The following NDST4 variants were observed in gnomAD, a reference collection of about 807,000 sequenced individuals.
NDST4 encodes the protein N-heparan sulfate sulfotransferase 4.
NDST4 carries 63 observed loss-of-function variants against 100.8 expected under a neutral mutation model. That is an observed-to-expected ratio of 0.62 (90% CI 0.51 to 0.77). The LOEUF (loss-of-function observed/expected upper bound fraction) is 0.77, where lower values mean the gene tolerates loss of function less well. Ranked by LOEUF, NDST4 falls within the 30% of genes least tolerant of loss-of-function variation. The probability of loss-of-function intolerance (pLI) is 0.00; values close to 1 mark genes in which losing one functional copy is unlikely to be tolerated. For missense variants in NDST4, 943 were observed against 1,018.4 expected (o/e 0.93, Z 1.01); for synonymous variants, 377 against 361.8 (o/e 1.04, Z -0.48).
intron 6 of NDST4, among the ~76,000 whole-genome samples, chr4:114,878,099 CAT>C (rs1435684858): frequency 2.6e-5 from 4 of 151,994 alleles, no homozygotes; most frequent in Non-Finnish European, 5.9e-5. Flanking sequence ...CACATCTCAC[CAT>C]GTGTAGGTCA....
At chr4:114,993,296 G>A (rs1727080491) in intron 2 of NDST4, among the ~76,000 whole-genome samples, 1 of 151,848 alleles carries the variant, frequency 6.6e-6, no homozygotes. Context: ...CATCTATTTG[G>A]ACAATATCTG....
At chr4:115,008,560 A>G (rs1190060499) in intron 2 of NDST4, among the ~76,000 whole-genome samples, 3 of 129,334 alleles carry the variant, frequency 2.3e-5, no homozygotes, top group African/African-American at 8.8e-5. Context: ...GCTATCTATG[A>G]CAAACCCACA....
chr4:115,049,436 G>T (rs1728535569), intron 2 of NDST4, among the ~76,000 whole-genome samples: 1 of 151,946 alleles, frequency 6.6e-6, no homozygotes, highest in Non-Finnish European at 1.5e-5. Context: ...TATCTCTAGG[G>T]TTACACATAA....
chr4:115,081,964 AC>A (rs1345704129), intron 1 of NDST4, among the ~76,000 whole-genome samples: 1 of 152,126 alleles, frequency 6.6e-6, no homozygotes. Context: ...TCTTAATCTG[AC>A]TTTCCATGTT....
intron 6 of NDST4, among the ~76,000 whole-genome samples, chr4:114,934,148 A>G (rs998077864): frequency 6.6e-6 from 1 of 152,198 alleles, no homozygotes; most frequent in African/African-American, 2.4e-5. Context: ...GTATCTACAC[A>G]TAAAATAAAA....
chr4:114,882,838 T>C (rs1724399451), intron 6 of NDST4, among the ~76,000 whole-genome samples: 1 of 151,470 alleles, frequency 6.6e-6, no homozygotes, highest in African/African-American at 2.4e-5. Flanking sequence ...AAAACACACC[T>C]AGAAAGCCAG....
intron 4 of NDST4, among the ~76,000 whole-genome samples, chr4:114,951,995 T>C (rs1372156899): frequency 6.6e-6 from 1 of 152,206 alleles, no homozygotes; most frequent in Non-Finnish European, 1.5e-5. Context: ...CATTAACTAG[T>C]TATCAGCCTA....
chr4:114,878,953 G>A (rs1241161359), intron 6 of NDST4, among the ~76,000 whole-genome samples: 1 of 151,950 alleles, frequency 6.6e-6, no homozygotes, highest in African/African-American at 2.4e-5. Context: ...TTTTGGATAC[G>A]TGTATACCAG....
intron 6 of NDST4, among the ~76,000 whole-genome samples, chr4:114,892,606 CATTA>C (rs1393774903): frequency 6.6e-6 from 1 of 151,924 alleles, no homozygotes. Context: ...ACAACTAACT[CATTA>C]ATTATTTGTG....
At chr4:115,113,366 G>A (rs1729993195) in intron 1 of NDST4, 78 bp downstream of exon 1, 1 of 151,816 alleles carries the variant, frequency 6.6e-6, no homozygotes, top group Non-Finnish European at 1.5e-5. Context: ...TATTGTGTCC[G>A]ACTTGTTTAC....
At chr4:115,064,702 C>T (rs1484581670) in intron 2 of NDST4, among the ~76,000 whole-genome samples, 2 of 152,074 alleles carry the variant, frequency 1.3e-5, no homozygotes. Flanking sequence ...GCTACTATCT[C>T]AGTGCATGAG....
intron 13 of NDST4, among the ~76,000 whole-genome samples, chr4:114,828,200 T>G (rs1208633526): frequency 2.0e-5 from 3 of 152,018 alleles, no homozygotes; most frequent in Non-Finnish European, 4.4e-5. Flanking sequence ...ATATATGAAG[T>G]CTACACAGAA....
At chr4:115,098,504 A>G (rs921913276) in intron 1 of NDST4, among the ~76,000 whole-genome samples, 2 of 152,148 alleles carry the variant, frequency 1.3e-5, no homozygotes, top group African/African-American at 4.8e-5. Flanking sequence ...TTTGGAAAGC[A>G]AAAGACTCAC....
At chr4:114,871,103 T>C (rs894943400) in intron 6 of NDST4, among the ~76,000 whole-genome samples, 153 bp from the exon 7 acceptor site, 5 of 152,142 alleles carry the variant, frequency 3.3e-5, no homozygotes, top group Non-Finnish European at 5.9e-5. Flanking sequence ...AATTTTCATC[T>C]CAAAATAACA....
intron 2 of NDST4, among the ~76,000 whole-genome samples, chr4:115,050,657 T>C (rs936562364): frequency 6.6e-6 from 1 of 152,138 alleles, no homozygotes; most frequent in Non-Finnish European, 1.5e-5. Context: ...TGTAACATTC[T>C]TATCTTGCTT....
rs1725592889 is a variant in NDST4 at position 114,934,821 on chromosome 4, A to T, written c.1536+385T>A. Among the ~76,000 whole-genome samples, 2 of 152,142 alleles carry T rather than the reference A, an allele frequency of 1.3e-5. 1 individual carries two copies. Among genetic ancestry groups the T allele is most frequent in the South Asian group, 4.1e-4 (2 of 4,836 alleles). ...AATTAGATTGATTTAATTATTTCACAATGTTTACATGTAACAAAGCATCAT... is the reference window on the plus strand; with the variant it reads ...AATTAGATTGATTTAATTATTTCACTATGTTTACATGTAACAAAGCATCAT... On this transcript the variant is annotated intron_variant, in intron 6 of 13. Coordinates refer to ENST00000264363, the MANE Select transcript of NDST4 (RefSeq NM_022569.3).
intron 2 of NDST4, among the ~76,000 whole-genome samples, chr4:115,003,219 A>G (rs894487484): frequency 6.6e-6 from 1 of 152,196 alleles, no homozygotes; most frequent in Non-Finnish European, 1.5e-5. Context: ...CACGTTCTGC[A>G]TATGTATCCC....
intron 2 of NDST4, among the ~76,000 whole-genome samples, chr4:115,048,244 C>T (rs1560579843): frequency 1.3e-5 from 2 of 151,790 alleles, no homozygotes; most frequent in Non-Finnish European, 2.9e-5. Context: ...GTTAAAAGAA[C>T]TGAAAAAATT....
chr4:115,100,278 G>A (rs1470491800), intron 1 of NDST4, among the ~76,000 whole-genome samples: 3 of 151,984 alleles, frequency 2.0e-5, no homozygotes, highest in Non-Finnish European at 4.4e-5. Context: ...AACATTTGTT[G>A]AAACCCATAG....
Sources: allele counts gnomAD v4.1 joint callset (sites outside exome capture counted in the v4.1 genomes callset), GRCh38; gene constraint gnomAD v4.1.1; transcripts MANE v1.5; gene names NCBI Gene and HGNC (gene_info 2026-07-23, HGNC 2026-07-21).